SYNDIG1L: variants seen among roughly 807,000 people sequenced by gnomAD.
SYNDIG1L encodes the protein synapse differentiation inducing 1 like.
SYNDIG1L carries 13 observed loss-of-function variants against 20.1 expected under a neutral mutation model. That is an observed-to-expected ratio of 0.65 (90% CI 0.42 to 1.03). The LOEUF is 1.03. Among genes scored for constraint, SYNDIG1L ranks in the 50% least tolerant of loss-of-function variants. The probability of loss-of-function intolerance (pLI) is 0.00; values close to 1 mark genes in which losing one functional copy is unlikely to be tolerated. For missense variants in SYNDIG1L, 294 were observed against 305.1 expected (o/e 0.96, Z 0.27); for synonymous variants, 128 against 129.3 (o/e 0.99, Z 0.07).
upstream of SYNDIG1L, among the ~76,000 whole-genome samples, chr14:74,426,995 G>C (rs930497142): frequency 1.3e-5 from 2 of 152,028 alleles, no homozygotes; most frequent in Admixed American, 1.3e-4. Context: ...GCACTCAATA[G>C]GCACTCAGTG....
At chr14:74,428,833 G>A (rs1472313497), upstream of SYNDIG1L, among the ~76,000 whole-genome samples, 3 of 152,118 alleles carry the variant, frequency 2.0e-5, no homozygotes, top group South Asian at 2.1e-4. Flanking sequence ...AGCAGGGAAC[G>A]GATTTAAGAC....
At chr14:74,411,671 G>T (rs935892519) in intron 1 of SYNDIG1L, among the ~76,000 whole-genome samples, 2 of 152,170 alleles carry the variant, frequency 1.3e-5, no homozygotes, top group Non-Finnish European at 2.9e-5. Flanking sequence ...ATCAGACCTG[G>T]ACGAAGACAC....
chr14:74,458,010 G>T, the SYNDIG1L span, among the ~76,000 whole-genome samples: 1 of 151,976 alleles, frequency 6.6e-6, no homozygotes, highest in Non-Finnish European at 1.5e-5. Context: ...ATGTTGCCTA[G>T]GTTGCTCTCG....
upstream of SYNDIG1L, among the ~76,000 whole-genome samples, chr14:74,426,541 T>C (rs1223818445): frequency 6.6e-6 from 1 of 152,228 alleles, no homozygotes; most frequent in East Asian, 1.9e-4. Context: ...AAGCCAGCCC[T>C]GAGTTTTTAA....
the SYNDIG1L span, among the ~76,000 whole-genome samples, chr14:74,435,719 G>A: frequency 2.6e-5 from 4 of 152,192 alleles, no homozygotes; most frequent in Non-Finnish European, 5.9e-5. Context: ...CTGAGCTGAC[G>A]ACTGCTGGAA....
rs1391256392 is a variant in SYNDIG1L, at chr14:74,405,979, T to C, written c.*1556A>G. ...CTGCTGTGATGCAGGAGTGGAGGGC[T>C]GGGCAGTGCCCGAGGCAGGGGAGGA... On this transcript the variant is annotated 3_prime_UTR_variant, in exon 4 of 4. Transcript: ENST00000331628. The C allele has an allele frequency of 5.0e-6, 2 of 398,756 alleles. No individual in the cohort carries two copies. The highest frequency in any genetic ancestry group is 8.8e-6 in the Non-Finnish European group (2 of 226,268). The allele number at this position is 398,756 out of a possible 1,614,324, so 24.7% of individuals were successfully genotyped here.
chr14:74,450,663 C>A, the SYNDIG1L span, among the ~76,000 whole-genome samples: 1 of 152,056 alleles, frequency 6.6e-6, no homozygotes, highest in Non-Finnish European at 1.5e-5. Context: ...GAGAACATAA[C>A]AATTCCAGAC....
chr14:74,456,946 C>T, the SYNDIG1L span, among the ~76,000 whole-genome samples: 2 of 152,120 alleles, frequency 1.3e-5, no homozygotes, highest in African/African-American at 4.8e-5. Context: ...AGGCAGTTCA[C>T]GCTTTTGAAA....
chr14:74,410,490 G>T (rs771981253), intron 1 of SYNDIG1L, among the ~76,000 whole-genome samples: 1 of 152,146 alleles, frequency 6.6e-6, no homozygotes, highest in Non-Finnish European at 1.5e-5. Context: ...TTAGGATCTG[G>T]GTCCTGAAGC....
chr14:74,438,486 C>T, the SYNDIG1L span, among the ~76,000 whole-genome samples: 1 of 152,252 alleles, frequency 6.6e-6, no homozygotes, highest in African/African-American at 2.4e-5. Flanking sequence ...ATCTATTTCT[C>T]AAACTCACCC....
At chr14:74,476,413 G>C in the SYNDIG1L span, 1 of 895,846 alleles carries the variant, frequency 1.1e-6, no homozygotes, top group South Asian at 1.4e-5. Flanking sequence ...CATATGATTT[G>C]TGGAGGACGG....
the SYNDIG1L span, among the ~76,000 whole-genome samples, chr14:74,449,465 A>AAAAAAAAAAAAAAAAAAC: frequency 7.3e-6 from 1 of 137,856 alleles, no homozygotes. Flanking sequence ...AAAAAAAAAA[A>AAAAAAAAAAAAAAAAAAC]GCCAGGCAAA....
chr14:74,454,802 T>C, the SYNDIG1L span, among the ~76,000 whole-genome samples: 8 of 152,250 alleles, frequency 5.3e-5, no homozygotes, highest in Non-Finnish European at 1.0e-4. Flanking sequence ...CCCTATAGTT[T>C]TTCCCACCAT....
upstream of SYNDIG1L, among the ~76,000 whole-genome samples, chr14:74,427,750 T>A (rs1873246992): frequency 6.6e-6 from 1 of 151,854 alleles, no homozygotes; most frequent in Non-Finnish European, 1.5e-5. Flanking sequence ...AACACAGACA[T>A]ACAGACACAC....
At chr14:74,417,464 T>C (rs1216580791) in intron 1 of SYNDIG1L, among the ~76,000 whole-genome samples, 8 of 152,150 alleles carry the variant, frequency 5.3e-5, no homozygotes, top group Non-Finnish European at 1.2e-4. Flanking sequence ...TAGGATGGGG[T>C]CAGCCTTTAT....
At chr14:74,470,749 C>A in the SYNDIG1L span, among the ~76,000 whole-genome samples, 3 of 152,212 alleles carry the variant, frequency 2.0e-5, no homozygotes, top group African/African-American at 7.2e-5. Context: ...CAAGGCTCAG[C>A]GCAATAGTTT....
intron 1 of SYNDIG1L, among the ~76,000 whole-genome samples, chr14:74,414,992 G>T (rs1047296799): frequency 6.6e-6 from 1 of 152,178 alleles, no homozygotes; most frequent in Non-Finnish European, 1.5e-5. Context: ...TTGACACTGC[G>T]TTTCCCTTTG....
At chr14:74,416,581 C>G (rs755428802) in intron 1 of SYNDIG1L, among the ~76,000 whole-genome samples, 21 of 152,174 alleles carry the variant, frequency 1.4e-4, no homozygotes, top group Middle Eastern at 3.2e-3. Flanking sequence ...CTGCAGTGAG[C>G]CATGATTGCA....
At chr14:74,455,884 A>G in the SYNDIG1L span, among the ~76,000 whole-genome samples, 2 of 152,292 alleles carry the variant, frequency 1.3e-5, no homozygotes, top group East Asian at 1.9e-4. Flanking sequence ...TGGTGGCTGA[A>G]TGGTGTTCCT....
Sources: gnomAD v4.1 joint callset for allele counts (sites outside exome capture counted in the v4.1 genomes callset) on GRCh38, gnomAD v4.1.1 for gene constraint, MANE v1.5 for transcripts, NCBI Gene and HGNC (gene_info 2026-07-23, HGNC 2026-07-21) for gene names.